The following GFPT1 variants were observed in gnomAD, a reference collection of about 807,000 sequenced individuals.
The protein encoded by GFPT1 is glutamine--fructose-6-phosphate aminotransferase [isomerizing] 1.
A neutral mutation model predicts 92.0 loss-of-function variants in GFPT1; 40 were observed. The observed-to-expected ratio is 0.43, with a 90% CI of 0.34 to 0.57. The LOEUF (loss-of-function observed/expected upper bound fraction) is 0.57. Among genes scored for constraint, GFPT1 ranks in the 20% least tolerant of loss-of-function variants. GFPT1 has a pLI of 0.02. For synonymous variants in GFPT1, 269 were observed against 280.6 expected (o/e 0.96, Z 0.41); for missense variants, 448 against 869.1 (o/e 0.52, Z 6.09).
At chr2:69,346,447 C>A (rs1046986480) in intron 11 of GFPT1, among the ~76,000 whole-genome samples, 2 of 152,094 alleles carry the variant, frequency 1.3e-5, no homozygotes, top group African/African-American at 4.8e-5. Flanking sequence ...ACCATACTGA[C>A]CAGGCTGGTC....
At chr2:69,344,984 C>T (rs887742853) in intron 12 of GFPT1, among the ~76,000 whole-genome samples, 2 of 152,008 alleles carry the variant, frequency 1.3e-5, no homozygotes, top group African/African-American at 4.8e-5. Flanking sequence ...CATTTTCTTC[C>T]CTTATAAAAC....
At chr2:69,386,168 C>T (rs1249882089) in intron 1 of GFPT1, among the ~76,000 whole-genome samples, 1 of 152,142 alleles carries the variant, frequency 6.6e-6, no homozygotes, top group Non-Finnish European at 1.5e-5. Context: ...ATGTCAGACA[C>T]GATTCTCAAA....
intron 7 of GFPT1, among the ~76,000 whole-genome samples, chr2:69,355,983 CTTTT>C (rs1157501841): frequency 0.012 from 944 of 75,614 alleles, 9 homozygotes; most frequent in African/African-American, 0.051. Context: ...TATTTGCTTT[CTTTT>C]TTTTTTTTTT....
intron 13 of GFPT1, among the ~76,000 whole-genome samples, chr2:69,338,942 G>A (rs1670869428): frequency 6.6e-6 from 1 of 151,940 alleles, no homozygotes; most frequent in African/African-American, 2.4e-5. Context: ...TGGGACTATA[G>A]GCGTGCGCCA....
In GFPT1 at chr2:69,323,335, A is replaced by G. The variant is rs555779069; in HGVS notation, c.*2854T>C. On this transcript the variant is annotated 3_prime_UTR_variant, in exon 20 of 20. Transcript: ENST00000357308. Reference sequence around the variant, plus strand: ...TAGAGTATCTTTTTTGAAAAATCAGATTTTCTTATCCTATATTACACTGGT... The same window carrying G: ...TAGAGTATCTTTTTTGAAAAATCAGGTTTTCTTATCCTATATTACACTGGT... The G allele has an allele frequency of 1.4e-4, 21 of 152,106 alleles. No individual in the cohort carries two copies. Among genetic ancestry groups the G allele is most frequent in the Non-Finnish European group, 2.8e-4 (19 of 68,010 alleles). 9.4% of individuals were successfully genotyped at this position (152,106 alleles called of 1,614,324 possible). A position where few individuals can be genotyped will look rare whatever the true frequency, so the allele number is the denominator to read the frequency against.
In GFPT1 at chr2:69,366,638, A is replaced by G. The variant is rs139258142; in HGVS notation, c.224-2968T>C. 1.3e-4 allele frequency among the ~76,000 whole-genome samples: 20 copies of G among 152,312 alleles called. 1 individual carries two copies. The East Asian group carries it at 3.9e-3, about 29-fold the overall frequency. ...GTTCATCATATCTTTTCTATTCTCCATAAAGCTCAATCCTACCTGCAATCC... is the reference window on the plus strand; with the variant it reads ...GTTCATCATATCTTTTCTATTCTCCGTAAAGCTCAATCCTACCTGCAATCC... On this transcript the variant is annotated intron_variant, in intron 3 of 19. Transcript: ENST00000357308.
intron 3 of GFPT1, among the ~76,000 whole-genome samples, chr2:69,369,342 G>A (rs563842831): frequency 1.9e-4 from 29 of 151,986 alleles, no homozygotes; most frequent in African/African-American, 6.5e-4. Context: ...AAATACTTGC[G>A]GTTTCCTGGG....
Position 69,348,264 on chromosome 2 carries a change from G to A in GFPT1, c.916C>T (p.Arg306Cys). 3 of 1,609,822 alleles carry A rather than the reference G, an allele frequency of 1.9e-6. No homozygotes were observed. The highest frequency in any genetic ancestry group is 2.6e-6 in the Non-Finnish European group (3 of 1,176,050). The part of the protein sequence containing the change: ...DDDVAAVVDG[R>C]LSIHRIKRTA... ...CGTTTAATTCGATGGATAGAAAGAC[G>A]TCCATCCACTACTGCTGCAACATCA... Residue 306 changes from arginine (R) to cysteine (C), a missense_variant, in exon 11 of 20, where the codon CGT becomes TGT. Arg to Cys is a radical substitution (Grantham distance 180, BLOSUM62 -3). Around this residue, in one of 7 missense-constraint regions of GFPT1, gnomAD observed 121 missense variants for 304.3 expected, o/e 0.40. Coordinates refer to ENST00000357308, the MANE Select transcript of GFPT1 (RefSeq NM_001244710.2).
chr2:69,374,067 T>C lies in GFPT1; in HGVS notation c.54A>G (p.Glu18=), dbSNP rs199770054. ...LNYHVPRTRR[E]ILETLIKGLQ... Reference sequence around the variant, plus strand: ...GGCCTTTGATTAGGGTCTCCAGGATTTCTCGTCTCGTTCGAGGAACATGGT... The same window carrying C: ...GGCCTTTGATTAGGGTCTCCAGGATCTCTCGTCTCGTTCGAGGAACATGGT... Residue 18 remains glutamate, a synonymous_variant, in exon 2 of 20, where the codon GAA becomes GAG. Transcript: ENST00000357308. 1.0e-5 allele frequency: 16 copies of C among 1,601,182 alleles called. No individual in the cohort carries two copies. In the Admixed American group the frequency reaches 1.2e-4, roughly 12 times the overall value.
At chr2:69,335,580 T>C (rs1341318995) in intron 15 of GFPT1, among the ~76,000 whole-genome samples, 2 of 152,144 alleles carry the variant, frequency 1.3e-5, no homozygotes, top group African/African-American at 4.8e-5. Context: ...AATCAAATCC[T>C]TAAGTGCTAC....
At chr2:69,341,455 G>A (rs914410066) in intron 13 of GFPT1, among the ~76,000 whole-genome samples, 8 of 152,098 alleles carry the variant, frequency 5.3e-5, no homozygotes, top group Admixed American at 2.6e-4. Context: ...TTATGCCTCA[G>A]CAAATAAATA....
intron 2 of GFPT1, among the ~76,000 whole-genome samples, 187 bp from the exon 3 acceptor site, chr2:69,370,295 A>G (rs988418484): frequency 1.3e-5 from 2 of 152,226 alleles, no homozygotes; most frequent in African/African-American, 4.8e-5. Context: ...CACAAAAACA[A>G]AAATAACTCC....
chr2:69,380,021 G>A (rs1298471624), intron 1 of GFPT1, among the ~76,000 whole-genome samples: 2 of 151,654 alleles, frequency 1.3e-5, no homozygotes, highest in Admixed American at 6.6e-5. Context: ...ATCCAGCCAA[G>A]GTACATCTTC....
intron 2 of GFPT1, among the ~76,000 whole-genome samples, chr2:69,373,248 A>G (rs1375195413): frequency 6.6e-6 from 1 of 152,176 alleles, no homozygotes; most frequent in African/African-American, 2.4e-5. Context: ...GGTCTTAGGA[A>G]CCTCTGACAT....
chr2:69,351,078 G>A (rs78389770), intron 9 of GFPT1, among the ~76,000 whole-genome samples: 1 of 152,090 alleles, frequency 6.6e-6, no homozygotes, highest in Non-Finnish European at 1.5e-5. Flanking sequence ...TCTAATCACG[G>A]TATATCATAT....
Position 69,387,048 on chromosome 2 carries a change from G to T in GFPT1, c.7+17C>A, listed in dbSNP as rs1469699968. On this transcript the variant is annotated intron_variant, in intron 1 of 19. Coordinates refer to ENST00000357308, the MANE Select transcript of GFPT1 (RefSeq NM_001244710.2). ...AGCGCCACCCGGCAACACGCCCCCCGCTCCCGGCCCCCTTACCACACATGA... is the reference window on the plus strand; with the variant it reads ...AGCGCCACCCGGCAACACGCCCCCCTCTCCCGGCCCCCTTACCACACATGA... 2 of 1,527,004 alleles carry T rather than the reference G, an allele frequency of 1.3e-6. No homozygotes were observed. Among genetic ancestry groups the T allele is most frequent in the Admixed American group, 1.9e-5 (1 of 51,704 alleles). 94.6% of individuals were successfully genotyped at this position (1,527,004 alleles called of 1,614,324 possible). A position where few individuals can be genotyped will look rare whatever the true frequency, so the allele number is the denominator to read the frequency against.
intron 10 of GFPT1, among the ~76,000 whole-genome samples, chr2:69,349,482 A>AT (rs1671157788): frequency 6.6e-6 from 1 of 151,912 alleles, no homozygotes; most frequent in African/African-American, 2.4e-5. Flanking sequence ...TATTTTTATT[A>AT]TTTTCTCTTA....
chr2:69,338,005 C>T lies in GFPT1; in HGVS notation c.1375G>A (p.Ala459Thr). The T allele has an allele frequency of 6.2e-7, 1 of 1,614,046 alleles. No homozygotes were observed. The highest frequency in any genetic ancestry group is 8.5e-7 in the Non-Finnish European group (1 of 1,179,918). Residue 459 changes from alanine (A) to threonine (T), a missense_variant, in exon 15 of 20, where the codon GCT becomes ACT. Coordinates refer to ENST00000357308, the MANE Select transcript of GFPT1 (RefSeq NM_001244710.2). ...MGLRYCKERG[A>T]LTVGITNTVG... ...GTGTTTGTGATCCCCACAGTTAAAG[C>T]TCCTCTCTCCTTACAGTAACGAAGA...
chr2:69,375,384 G>T (rs1044202991), intron 1 of GFPT1, among the ~76,000 whole-genome samples: 3 of 152,094 alleles, frequency 2.0e-5, no homozygotes, highest in Non-Finnish European at 2.9e-5. Flanking sequence ...TACTTCTATA[G>T]AGTGTGATCC....
Sources: allele counts gnomAD v4.1 joint callset (sites outside exome capture counted in the v4.1 genomes callset), GRCh38; gene constraint gnomAD v4.1.1; regional missense constraint gnomAD v4.1.1; transcripts MANE v1.5; gene names NCBI Gene and HGNC (gene_info 2026-07-23, HGNC 2026-07-21).